Variants in LRRC4C observed in about 807,000 individuals in gnomAD.
LRRC4C encodes leucine rich repeat containing 4C.
A neutral mutation model predicts 33.6 loss-of-function variants in LRRC4C; 5 were observed. The observed-to-expected ratio is 0.15, with a 90% CI of 0.08 to 0.31. LRRC4C has a LOEUF of 0.31. Among genes scored for constraint, LRRC4C ranks in the 10% least tolerant of loss-of-function variants. LRRC4C has a pLI of 1.00. For missense variants in LRRC4C, 560 were observed against 796.7 expected, an observed-to-expected ratio of 0.70 and a Z score of 3.58; for synonymous variants, 329 against 302.0, an observed-to-expected ratio of 1.09 and a Z score of -0.93.
rs550867453 is a variant in LRRC4C at position 40,943,086 on chromosome 11, A to C, written c.-495-9363T>G. On this transcript the variant is annotated intron_variant, in intron 1 of 6. Coordinates refer to ENST00000528697, the MANE Select transcript of LRRC4C (RefSeq NM_001258419.2). ...ATTTTTCACGAACCTCAGTTTTCTTAAATGCAGGTAATAATGAAATCACAT... is the reference window on the plus strand; with the variant it reads ...ATTTTTCACGAACCTCAGTTTTCTTCAATGCAGGTAATAATGAAATCACAT... Among the ~76,000 whole-genome samples, 3 of 152,306 alleles carry C rather than the reference A, an allele frequency of 2.0e-5. No individual in the cohort carries two copies. The South Asian group carries it at 6.2e-4, about 32-fold the overall frequency.
At chr11:41,433,840 T>C (rs537388826) in intron 1 of LRRC4C, among the ~76,000 whole-genome samples, 3 of 151,728 alleles carry the variant, frequency 2.0e-5, no homozygotes, top group East Asian at 1.9e-4. Context: ...TATATGCGTA[T>C]ATATATAATA....
chr11:40,611,900 T>G (rs1441554072), intron 3 of LRRC4C, among the ~76,000 whole-genome samples: 2 of 151,698 alleles, frequency 1.3e-5, no homozygotes, highest in African/African-American at 4.8e-5. Context: ...GATGAGAATG[T>G]GGAGAAATTG....
At chr11:41,060,357 C>A (rs1010343868) in intron 1 of LRRC4C, among the ~76,000 whole-genome samples, 1 of 152,318 alleles carries the variant, frequency 6.6e-6, no homozygotes, top group African/African-American at 2.4e-5. Context: ...GCTGCTATAA[C>A]AAATTAGCAC....
At chr11:40,924,114 GTGTGTGTGTA>G (rs1255295523) in intron 2 of LRRC4C, among the ~76,000 whole-genome samples, 9 of 130,648 alleles carry the variant, frequency 6.9e-5, no homozygotes, top group African/African-American at 1.8e-4. Flanking sequence ...GTGTGTGTGT[GTGTGTGTGTA>G]TATATATATA....
chr11:40,141,861 T>C (rs1857388378), intron 5 of LRRC4C, among the ~76,000 whole-genome samples: 1 of 152,218 alleles, frequency 6.6e-6, no homozygotes, highest in South Asian at 2.1e-4. Context: ...ACAATGTAAA[T>C]AAAAGTGCTT....
intron 1 of LRRC4C, among the ~76,000 whole-genome samples, chr11:41,112,878 A>G (rs1941916973): frequency 6.6e-6 from 1 of 152,086 alleles, no homozygotes; most frequent in East Asian, 1.9e-4. Flanking sequence ...GAAAACAACA[A>G]AAAACATATA....
chr11:40,997,426 G>A (rs1218317736), intron 1 of LRRC4C, among the ~76,000 whole-genome samples: 1 of 152,126 alleles, frequency 6.6e-6, no homozygotes, highest in African/African-American at 2.4e-5. Context: ...GACGTCAAAA[G>A]AGAAAATGAC....
chr11:41,035,545 G>A (rs1321949349), intron 1 of LRRC4C, among the ~76,000 whole-genome samples: 1 of 152,098 alleles, frequency 6.6e-6, no homozygotes, highest in African/African-American at 2.4e-5. Flanking sequence ...CCATGTCCCT[G>A]AAAAGGACAT....
At chr11:40,768,983 G>C (rs1263692924) in intron 2 of LRRC4C, among the ~76,000 whole-genome samples, 1 of 152,004 alleles carries the variant, frequency 6.6e-6, no homozygotes, top group Non-Finnish European at 1.5e-5. Context: ...GTCCCAGCTA[G>C]TGTTATCAGA....
chr11:40,976,908 G>A (rs1398347820), intron 1 of LRRC4C, among the ~76,000 whole-genome samples: 1 of 151,906 alleles, frequency 6.6e-6, no homozygotes, highest in African/African-American at 2.4e-5. Context: ...CATTAATTTT[G>A]CACTGTATTT....
rs66998647 is a variant in LRRC4C at position 40,440,299 on chromosome 11, CTT to C, written c.-269-120580_-269-120579del. The stretch of plus-strand genomic sequence containing the variant: ...ACAAAATCTTTAGTTTGGTCTCTTT[CTT>C]TTTTTTTTTTTTTTTTTAATACATT... On this transcript the variant is annotated intron_variant, in intron 3 of 6. Coordinates refer to ENST00000528697, the MANE Select transcript of LRRC4C (RefSeq NM_001258419.2). Among the ~76,000 whole-genome samples, 211 of 131,836 alleles carry C rather than the reference CTT, an allele frequency of 1.6e-3. 2 individuals carry two copies. Among genetic ancestry groups the C allele is most frequent in the Admixed American group, 7.5e-3 (100 of 13,332 alleles). The allele number at this position is 131,836 out of a possible 152,430, so 86.5% of individuals were successfully genotyped here. A position where few individuals can be genotyped will look rare whatever the true frequency, so the allele number is the denominator to read the frequency against.
intron 2 of LRRC4C, among the ~76,000 whole-genome samples, chr11:40,857,620 G>A (rs1012272574): frequency 1.5e-4 from 23 of 152,204 alleles, no homozygotes; most frequent in African/African-American, 5.1e-4. Flanking sequence ...GAATAAATAC[G>A]TATTATTAGA....
chr11:40,695,054 C>T (rs1318407431), intron 2 of LRRC4C, among the ~76,000 whole-genome samples: 1 of 151,812 alleles, frequency 6.6e-6, no homozygotes, highest in Non-Finnish European at 1.5e-5. Context: ...ACAGAGTATA[C>T]AATAAAACAT....
intron 1 of LRRC4C, among the ~76,000 whole-genome samples, chr11:41,137,427 A>C (rs2135883264): frequency 6.6e-6 from 1 of 152,302 alleles, no homozygotes; most frequent in East Asian, 1.9e-4. Context: ...AAATGGTAAT[A>C]TTTTATATCA....
chr11:41,203,770 G>A (rs1451727496), intron 1 of LRRC4C, among the ~76,000 whole-genome samples: 1 of 152,094 alleles, frequency 6.6e-6, no homozygotes, highest in Non-Finnish European at 1.5e-5. Context: ...AGAATGGTTT[G>A]GAATAAAGTA....
At chr11:41,175,075 A>AT (rs1336096180) in intron 1 of LRRC4C, among the ~76,000 whole-genome samples, 1 of 151,876 alleles carries the variant, frequency 6.6e-6, no homozygotes, top group East Asian at 1.9e-4. Flanking sequence ...GAATCTGCAC[A>AT]TTTTTTCTTC....
At chr11:41,014,983 C>T (rs945840723) in intron 1 of LRRC4C, among the ~76,000 whole-genome samples, 5 of 152,142 alleles carry the variant, frequency 3.3e-5, no homozygotes, top group Admixed American at 2.0e-4. Flanking sequence ...CAAAAGATTA[C>T]GAGCAATTTA....
chr11:40,702,187 G>C (rs1188852846), intron 2 of LRRC4C, among the ~76,000 whole-genome samples: 1 of 151,986 alleles, frequency 6.6e-6, no homozygotes, highest in Non-Finnish European at 1.5e-5. Context: ...TATATAATTT[G>C]TATTTTTACT....
intron 3 of LRRC4C, among the ~76,000 whole-genome samples, chr11:40,496,816 T>C (rs1954486401): frequency 6.6e-6 from 1 of 152,136 alleles, no homozygotes; most frequent in African/African-American, 2.4e-5. Context: ...AAACTGTGAT[T>C]GAGATTGAGT....
Sources: allele counts gnomAD v4.1 joint callset (sites outside exome capture counted in the v4.1 genomes callset), GRCh38; gene constraint gnomAD v4.1.1; transcripts MANE v1.5; gene names NCBI Gene and HGNC (gene_info 2026-07-23, HGNC 2026-07-21).